NRG1: variants seen among roughly 807,000 people sequenced by gnomAD.
The protein encoded by NRG1 is neuregulin 1.
NRG1 carries 18 observed loss-of-function variants against 63.8 expected under a neutral mutation model. That is an observed-to-expected ratio of 0.28 (90% CI 0.19 to 0.42). The LOEUF (loss-of-function observed/expected upper bound fraction) is 0.42. Ranked by LOEUF, NRG1 falls within the 10% of genes least tolerant of loss-of-function variation. The probability of loss-of-function intolerance (pLI) is 1.00; values close to 1 mark genes in which losing one functional copy is unlikely to be tolerated. For missense variants in NRG1, 762 were observed against 814.7 expected (o/e 0.94, Z 0.79); for synonymous variants, 302 against 301.3 (o/e 1.00, Z -0.02).
chr8:32,006,943 G>A (rs1813876454), intron 1 of NRG1, among the ~76,000 whole-genome samples: 1 of 151,880 alleles, frequency 6.6e-6, no homozygotes, highest in Non-Finnish European at 1.5e-5. Context: ...TAATATAGAG[G>A]CAGACAATAA....
chr8:32,552,208 C>T (rs1042060930), intron 1 of NRG1, among the ~76,000 whole-genome samples: 5 of 125,472 alleles, frequency 4.0e-5, no homozygotes, highest in East Asian at 2.5e-4. Flanking sequence ...GGCGCTTGGC[C>T]GCTTTTTTTT....
At chr8:31,699,584 C>T (rs1423170116) in intron 1 of NRG1, among the ~76,000 whole-genome samples, 1 of 152,084 alleles carries the variant, frequency 6.6e-6, no homozygotes. Flanking sequence ...CACTTCATGC[C>T]TGAGTCTTTC....
At chr8:32,093,987 T>C (rs1481689315) in intron 1 of NRG1, among the ~76,000 whole-genome samples, 1 of 152,204 alleles carries the variant, frequency 6.6e-6, no homozygotes, top group South Asian at 2.1e-4. Context: ...TCCCTCTTAT[T>C]GGCTGATGGT....
chr8:32,697,015 A>T (rs1813541569), intron 5 of NRG1, among the ~76,000 whole-genome samples: 2 of 152,220 alleles, frequency 1.3e-5, no homozygotes, highest in African/African-American at 4.8e-5. Flanking sequence ...TATTTGGTAT[A>T]GGTTAATAGA....
intron 1 of NRG1, among the ~76,000 whole-genome samples, chr8:31,815,546 A>G (rs1044142326): frequency 2.0e-5 from 3 of 152,204 alleles, no homozygotes; most frequent in African/African-American, 4.8e-5. Context: ...GAATAATGCT[A>G]TAAACATGAA....
chr8:32,093,765 T>C (rs1457233408), intron 1 of NRG1, among the ~76,000 whole-genome samples: 2 of 152,206 alleles, frequency 1.3e-5, no homozygotes, highest in East Asian at 1.9e-4. Flanking sequence ...TTTTGTTTTA[T>C]ATGTACAAGG....
chr8:32,367,051 A>C (rs575646148), intron 1 of NRG1, among the ~76,000 whole-genome samples: 1 of 152,048 alleles, frequency 6.6e-6, no homozygotes, highest in Admixed American at 6.6e-5. Context: ...ATGGACATTT[A>C]GGTTGCTTCC....
chr8:32,583,557 T>G (rs1469231253), intron 1 of NRG1, among the ~76,000 whole-genome samples: 2 of 152,186 alleles, frequency 1.3e-5, no homozygotes, highest in Non-Finnish European at 2.9e-5. Context: ...TCTAGTAGAG[T>G]GCCAGTGTCT....
At chr8:32,353,328 T>C (rs1805891968) in intron 1 of NRG1, among the ~76,000 whole-genome samples, 1 of 150,990 alleles carries the variant, frequency 6.6e-6, no homozygotes, top group Admixed American at 6.6e-5. Context: ...ATAAAGGTAA[T>C]AATTTAAATA....
intron 1 of NRG1, among the ~76,000 whole-genome samples, chr8:31,981,189 G>T (rs748944137): frequency 3.3e-5 from 5 of 151,982 alleles, no homozygotes; most frequent in Non-Finnish European, 7.4e-5. Context: ...TTTTGTTCCA[G>T]ACTAGTTGTG....
chr8:31,722,796 G>A (rs1232650615), intron 1 of NRG1, among the ~76,000 whole-genome samples: 1 of 152,104 alleles, frequency 6.6e-6, no homozygotes, highest in Non-Finnish European at 1.5e-5. Context: ...AGTCTCAAAT[G>A]TCAGATGCCT....
intron 5 of NRG1, among the ~76,000 whole-genome samples, chr8:32,648,679 A>G (rs1588967240): frequency 6.6e-6 from 1 of 152,196 alleles, no homozygotes; most frequent in Admixed American, 6.5e-5. Context: ...GTTAAATTCA[A>G]TTTATTTCTA....
chr8:32,122,731 G>C (rs918486971), intron 1 of NRG1, among the ~76,000 whole-genome samples: 1 of 151,586 alleles, frequency 6.6e-6, no homozygotes, highest in East Asian at 2.0e-4. Flanking sequence ...CCATTAACTC[G>C]TCATTTAGCA....
chr8:32,433,243 A>C (rs1221348013), intron 1 of NRG1, among the ~76,000 whole-genome samples: 1 of 152,196 alleles, frequency 6.6e-6, no homozygotes, highest in Admixed American at 6.5e-5. Flanking sequence ...GGAAAATATC[A>C]GAATGAAAGA....
At chr8:32,671,566 A>G (rs997771359) in intron 5 of NRG1, among the ~76,000 whole-genome samples, 3 of 152,230 alleles carry the variant, frequency 2.0e-5, no homozygotes, top group Non-Finnish European at 2.9e-5. Context: ...AAAATGCTTA[A>G]AAAATGTTAA....
downstream of NRG1, among the ~76,000 whole-genome samples, chr8:32,771,715 A>AAAAAAATATATATATATAT (rs1343943621): frequency 1.8e-5 from 2 of 111,844 alleles, no homozygotes; most frequent in African/African-American, 6.9e-5. Context: ...TTAAAAAAAA[A>AAAAAAATATATATATATAT]ATATATATAT....
chr8:32,712,538 G>T (rs1017668391), intron 5 of NRG1, among the ~76,000 whole-genome samples: 4 of 152,168 alleles, frequency 2.6e-5, no homozygotes, highest in Non-Finnish European at 5.9e-5. Context: ...TGGAGAATTA[G>T]AAGTGCTACA....
intron 1 of NRG1, among the ~76,000 whole-genome samples, chr8:32,510,955 C>CTTTT (rs60629097): frequency 8.0e-6 from 1 of 125,612 alleles, no homozygotes; most frequent in Non-Finnish European, 1.6e-5. Context: ...TCTTTCTTTC[C>CTTTT]TTTTTTTTTT....
chr8:32,478,313 G>C (rs957642067), intron 1 of NRG1, among the ~76,000 whole-genome samples: 1 of 152,126 alleles, frequency 6.6e-6, no homozygotes, highest in African/African-American at 2.4e-5. Flanking sequence ...ATTCTCAGCC[G>C]GAGCGGTCTC....
Sources: gnomAD v4.1 joint callset for allele counts (sites outside exome capture counted in the v4.1 genomes callset) on GRCh38, gnomAD v4.1.1 for gene constraint, MANE v1.5 for transcripts, NCBI Gene and HGNC (gene_info 2026-07-23, HGNC 2026-07-21) for gene names.